The following IER3IP1 variants were observed in gnomAD, a reference collection of about 807,000 sequenced individuals.
IER3IP1 encodes immediate early response 3-interacting protein 1.
Under a neutral mutation model 12.2 loss-of-function variants are expected in IER3IP1, and 16 were observed. That is an observed-to-expected ratio of 1.31 (90% CI 0.89 to 1.99). The LOEUF (loss-of-function observed/expected upper bound fraction) is 1.99, where lower values mean the gene tolerates loss of function less well. Ranked by LOEUF, IER3IP1 falls within the 30% of genes most tolerant of loss-of-function variation. IER3IP1 has a pLI of 0.00. For synonymous variants in IER3IP1, 42 were observed against 40.0 expected (o/e 1.05, Z -0.19); for missense variants, 95 against 95.8 (o/e 0.99, Z 0.03).
chr18:47,167,239 C>G (rs977302213), intron 1 of IER3IP1, among the ~76,000 whole-genome samples: 1 of 152,036 alleles, frequency 6.6e-6, no homozygotes, highest in Admixed American at 6.6e-5. Flanking sequence ...TGAGGAGAGA[C>G]AGGGTTTCAC....
intron 1 of IER3IP1, among the ~76,000 whole-genome samples, chr18:47,159,701 T>C (rs985345363): frequency 1.3e-5 from 2 of 152,220 alleles, no homozygotes; most frequent in Non-Finnish European, 2.9e-5. Context: ...CATGGAGATA[T>C]TCCTTAAGAG....
At chr18:47,157,741 T>G (rs963953674) in intron 1 of IER3IP1, among the ~76,000 whole-genome samples, 3 of 152,242 alleles carry the variant, frequency 2.0e-5, no homozygotes, top group African/African-American at 7.2e-5. Context: ...TTCACTACAT[T>G]TACACTGATT....
chr18:47,157,795 T>A (rs997183776), intron 1 of IER3IP1, among the ~76,000 whole-genome samples: 3 of 152,258 alleles, frequency 2.0e-5, no homozygotes, highest in African/African-American at 7.2e-5. Context: ...GGCATTTAAT[T>A]TAGTGAAGAT....
intron 1 of IER3IP1, among the ~76,000 whole-genome samples, chr18:47,171,878 C>T (rs1258549256): frequency 2.0e-5 from 3 of 151,892 alleles, no homozygotes; most frequent in South Asian, 2.1e-4. Flanking sequence ...CTCCAACCTC[C>T]GCTTCCTGGG....
At chr18:47,157,325 A>C (rs1417402781) in intron 2 of IER3IP1, 111 bp downstream of exon 2, 1 of 870,044 alleles carries the variant, frequency 1.1e-6, no homozygotes, top group Admixed American at 2.0e-5. Flanking sequence ...CATGTTAAAG[A>C]GAAAAAAAAT....
At chr18:47,164,125 G>C (rs1029459958) in intron 1 of IER3IP1, among the ~76,000 whole-genome samples, 4 of 150,788 alleles carry the variant, frequency 2.7e-5, no homozygotes, top group African/African-American at 9.7e-5. Flanking sequence ...TGAGATGAGT[G>C]ACTCCCAGAA....
intron 1 of IER3IP1, among the ~76,000 whole-genome samples, chr18:47,159,709 G>A (rs1299691839): frequency 6.6e-6 from 1 of 152,266 alleles, no homozygotes; most frequent in African/African-American, 2.4e-5. Flanking sequence ...TATTCCTTAA[G>A]AGCTGGTTGG....
Position 47,157,418 on chromosome 18 carries a change from A to G in IER3IP1, c.193+18T>C, listed in dbSNP as rs1343523103. 5.0e-6 allele frequency: 8 copies of G among 1,596,730 alleles called. No homozygotes were observed. The highest frequency in any genetic ancestry group is 5.2e-6 in the Non-Finnish European group (6 of 1,164,398). On this transcript the variant is annotated intron_variant, in intron 2 of 2. Transcript: ENST00000256433. ...CAACATTAAAACTTAAGAATGCTCT[A>G]TTAGCTTTTCTTCTTACCTCTCATC...
At chr18:47,169,074 CACA>C (rs2064006576) in intron 1 of IER3IP1, among the ~76,000 whole-genome samples, 1 of 152,176 alleles carries the variant, frequency 6.6e-6, no homozygotes, top group African/African-American at 2.4e-5. Context: ...AACCACTTCC[CACA>C]ACCTCAGGCC....
At chr18:47,169,948 C>G (rs1249901362) in intron 1 of IER3IP1, among the ~76,000 whole-genome samples, 1 of 152,046 alleles carries the variant, frequency 6.6e-6, no homozygotes, top group Non-Finnish European at 1.5e-5. Context: ...TCCAATTTAT[C>G]TATTTTTTCT....
Position 47,176,341 on chromosome 18 carries a change from C to T in IER3IP1, c.-64G>A, listed in dbSNP as rs1053520210. On this transcript the variant is annotated 5_prime_UTR_variant, in exon 1 of 3. Coordinates refer to ENST00000256433, the MANE Select transcript of IER3IP1 (RefSeq NM_016097.5). ...TCCCGCCGCCGCAAGGGACGTGGCG[C>T]CTCCACGGCCGGCGCCTTCCTACGG... 17 of 1,431,578 alleles carry T rather than the reference C, an allele frequency of 1.2e-5. No individual in the cohort carries two copies. Among genetic ancestry groups the T allele is most frequent in the African/African-American group, 2.8e-5 (2 of 70,996 alleles). The allele number at this position is 1,431,578 out of a possible 1,614,324, so 88.7% of individuals were successfully genotyped here. A position where few individuals can be genotyped will look rare whatever the true frequency, so the allele number is the denominator to read the frequency against.
chr18:47,160,454 T>C (rs2063976342), intron 1 of IER3IP1, among the ~76,000 whole-genome samples: 1 of 152,246 alleles, frequency 6.6e-6, no homozygotes, highest in Admixed American at 6.5e-5. Context: ...TGCCATCGGC[T>C]GGAAGGAATG....
In IER3IP1 at chr18:47,157,289, AC is replaced by A; in HGVS notation, c.193+146del. 7 of 657,686 alleles carry A rather than the reference AC, an allele frequency of 1.1e-5. No homozygotes were observed. The East Asian group carries it at 1.4e-4, about 13-fold the overall frequency. The allele number at this position is 657,686 out of a possible 1,614,324, so 40.7% of individuals were successfully genotyped here. A position where few individuals can be genotyped will look rare whatever the true frequency, so the allele number is the denominator to read the frequency against. ...GCAAACTAAGAAAAAAAAAAAAAAA[AC>A]CCAGTAACTTTCAAGCAGCAAAGCC... On this transcript the variant is annotated intron_variant, in intron 2 of 2. Coordinates refer to ENST00000256433, the MANE Select transcript of IER3IP1 (RefSeq NM_016097.5).
Position 47,155,982 on chromosome 18 carries a change from G to C in IER3IP1, c.*195C>G, listed in dbSNP as rs1306636061. ...GGAGAGTTACTGCCTTTCATGATCTGATCTTTTGTAATGAAACTACAAGTG... is the reference window on the plus strand; with the variant it reads ...GGAGAGTTACTGCCTTTCATGATCTCATCTTTTGTAATGAAACTACAAGTG... On this transcript the variant is annotated 3_prime_UTR_variant, in exon 3 of 3. Coordinates refer to ENST00000256433, the MANE Select transcript of IER3IP1 (RefSeq NM_016097.5). 1.1e-5 allele frequency: 6 copies of C among 553,998 alleles called. No individual in the cohort carries two copies. Among genetic ancestry groups the C allele is most frequent in the Non-Finnish European group, 1.9e-5 (6 of 312,322 alleles). 34.3% of individuals were successfully genotyped at this position (553,998 alleles called of 1,614,324 possible).
chr18:47,157,273 G>GAAAAAAAAAAAAAAAA (rs35638006), intron 2 of IER3IP1, 163 bp downstream of exon 2: 1 of 441,442 alleles, frequency 2.3e-6, no homozygotes. Context: ...AGCAAACTAA[G>GAAAAAAAAAAAAAAAA]AAAAAAAAAA....
chr18:47,174,952 AAGTTAGTATCTGCCCG>A (rs1333670773), intron 1 of IER3IP1, among the ~76,000 whole-genome samples: 7 of 152,176 alleles, frequency 4.6e-5, no homozygotes, highest in African/African-American at 1.7e-4. Context: ...GCAGATACAC[AAGTTAGTATCTGCCCG>A]TACTTCTCTT....
chr18:47,165,022 G>A (rs932538862), intron 1 of IER3IP1, among the ~76,000 whole-genome samples: 1 of 152,084 alleles, frequency 6.6e-6, no homozygotes, highest in African/African-American at 2.4e-5. Flanking sequence ...AGCCAAAAAC[G>A]CTCGACACAC....
chr18:47,165,398 C>T (rs770141745), intron 1 of IER3IP1, among the ~76,000 whole-genome samples: 21 of 152,146 alleles, frequency 1.4e-4, no homozygotes, highest in Non-Finnish European at 2.1e-4. Flanking sequence ...ACTAAAACTA[C>T]TAAAATTATC....
chr18:47,159,760 A>C (rs543359499), intron 1 of IER3IP1, among the ~76,000 whole-genome samples: 8 of 152,274 alleles, frequency 5.3e-5, no homozygotes, highest in Admixed American at 3.3e-4. Context: ...CCTACGTCAC[A>C]ATGAATAGCT....
Sources: allele counts gnomAD v4.1 joint callset (sites outside exome capture counted in the v4.1 genomes callset), GRCh38; gene constraint gnomAD v4.1.1; transcripts MANE v1.5; gene names NCBI Gene and HGNC (gene_info 2026-07-23, HGNC 2026-07-21).